Variants in PTPRN2 observed in about 807,000 individuals in gnomAD.
PTPRN2 encodes receptor-type tyrosine-protein phosphatase N2.
PTPRN2 carries 74 observed loss-of-function variants against 118.8 expected under a neutral mutation model. That is an observed-to-expected ratio of 0.62 (90% CI 0.52 to 0.76). The LOEUF is 0.76. PTPRN2 is among the 30% of genes least tolerant of loss of function. The probability of loss-of-function intolerance (pLI) is 0.00; values close to 1 mark genes in which losing one functional copy is unlikely to be tolerated. For missense variants in PTPRN2, 1,481 were observed against 1,394.4 expected (o/e 1.06, Z -0.99); for synonymous variants, 641 against 608.0 (o/e 1.05, Z -0.80).
intron 12 of PTPRN2, among the ~76,000 whole-genome samples, chr7:157,725,879 A>G (rs10274060): frequency 0.11 from 1,913 of 16,640 alleles, 5 homozygotes; most frequent in South Asian, 0.17. Context: ...AGAGGAGTGA[A>G]CCAGACCCTC....
intron 16 of PTPRN2, among the ~76,000 whole-genome samples, chr7:157,597,072 AAAG>A (rs1563247133): frequency 6.6e-6 from 1 of 152,186 alleles, no homozygotes; most frequent in African/African-American, 2.4e-5. Context: ...TGTCAGCACA[AAAG>A]AAGGCACCAA....
rs548851484 is a variant in PTPRN2 at position 158,211,994 on chromosome 7, A to T, written c.278-6721T>A. On this transcript the variant is annotated intron_variant, in intron 3 of 22. Coordinates refer to ENST00000389418, the MANE Select transcript of PTPRN2 (RefSeq NM_002847.5). ...TCCATCAACAGATGAATGGATTTTT[A>T]AAAATGTGGTACCTCTACACAGTGG... Among the ~76,000 whole-genome samples the T allele has an allele frequency of 2.9e-3, 446 of 152,350 alleles. 5 individuals are homozygous for T. The highest frequency in any genetic ancestry group is 9.9e-3 in the African/African-American group (412 of 41,584).
chr7:158,020,014 A>G (rs1010355730), intron 11 of PTPRN2, among the ~76,000 whole-genome samples: 6 of 152,198 alleles, frequency 3.9e-5, no homozygotes, highest in Non-Finnish European at 8.8e-5. Context: ...TCCAGGACCC[A>G]GATTCAATGC....
At position 157,611,342 on chromosome 7, in the gene PTPRN2, T is replaced by C. The variant is rs140506279; in HGVS notation, c.2345-7267A>G. 4.6e-5 allele frequency among the ~76,000 whole-genome samples: 7 copies of C among 152,294 alleles called. No homozygotes were observed. The highest frequency in any genetic ancestry group is 1.7e-4 in the African/African-American group (7 of 41,562). On this transcript the variant is annotated intron_variant, in intron 15 of 22. Transcript: ENST00000389418. The surrounding 1 kb of genome is among the most constrained non-coding windows in gnomAD (Gnocchi z 5.9). ...GGGATTCCCATACCTGAAGCGATTT[T>C]AACCCACACTAGTCTCATCTCAGGC...
intron 2 of PTPRN2, among the ~76,000 whole-genome samples, chr7:158,482,740 GT>G (rs1007911058): frequency 9.2e-5 from 14 of 151,972 alleles, no homozygotes; most frequent in African/African-American, 2.9e-4. Context: ...TAAATCAGTG[GT>G]TTTTTTTATA....
chr7:158,273,494 G>GCACAGGGGGAGCCGCAGA (rs1798669418), intron 3 of PTPRN2, among the ~76,000 whole-genome samples: 2 of 51,528 alleles, frequency 3.9e-5, no homozygotes, highest in African/African-American at 3.0e-4. Context: ...GGAGCCGCAG[G>GCACAGGGGGAGCCGCAGA]CACAGGGGGA....
In PTPRN2 at chr7:158,563,701, C is replaced by T. The variant is rs1183865839; in HGVS notation, c.112+23857G>A. Among the ~76,000 whole-genome samples, 1 of 152,242 alleles carries T rather than the reference C, an allele frequency of 6.6e-6. No homozygotes were observed. The highest frequency in any genetic ancestry group is 2.4e-5 in the African/African-American group (1 of 41,460). On this transcript the variant is annotated intron_variant, in intron 1 of 22. Coordinates refer to ENST00000389418, the MANE Select transcript of PTPRN2 (RefSeq NM_002847.5). This position sits in a 1 kb window ranked among gnomAD's most constrained non-coding sequence, Gnocchi z 5.1. ...CATGTGGCGTGGCAGTACATGAGCA[C>T]TGATGTGTGAGGGGAGAAGAGAGGG...
intron 14 of PTPRN2, among the ~76,000 whole-genome samples, chr7:157,651,576 C>A (rs943224920): frequency 6.6e-6 from 1 of 152,182 alleles, no homozygotes; most frequent in East Asian, 1.9e-4. Context: ...CACATCGGGA[C>A]GGTGACACTC....
chr7:158,353,746 G>A (rs1808181101), intron 2 of PTPRN2, among the ~76,000 whole-genome samples: 1 of 152,150 alleles, frequency 6.6e-6, no homozygotes, highest in East Asian at 1.9e-4. Flanking sequence ...TAACCTGCCT[G>A]GCATCCAGTA....
At chr7:158,364,961 T>C (rs932196982) in intron 2 of PTPRN2, among the ~76,000 whole-genome samples, 2 of 133,108 alleles carry the variant, frequency 1.5e-5, no homozygotes, top group Non-Finnish European at 3.1e-5. Flanking sequence ...CATATGCGTG[T>C]GCACCCACAA....
rs76780187 is a variant in PTPRN2 at position 157,622,773 on chromosome 7, T to C, written c.2197-1264A>G. On this transcript the variant is annotated intron_variant, in intron 14 of 22. Transcript: ENST00000389418. This position sits in a 1 kb window ranked among gnomAD's most constrained non-coding sequence, Gnocchi z 5.3. Reference sequence around the variant, plus strand: ...CACTCTAAGGCCGTCTGTTGGGAGGTCCCAGGTTGTCACTGTCACCCCCAC... The same window carrying C: ...CACTCTAAGGCCGTCTGTTGGGAGGCCCCAGGTTGTCACTGTCACCCCCAC... 0.052 allele frequency among the ~76,000 whole-genome samples: 7,927 copies of C among 151,966 alleles called. 453 individuals are homozygous for C. Among genetic ancestry groups the C allele is most frequent in the East Asian group, 0.31 (1,585 of 5,144 alleles).
intron 3 of PTPRN2, among the ~76,000 whole-genome samples, chr7:158,274,343 G>T: frequency 1.7e-4 from 1 of 5,774 alleles, no homozygotes; most frequent in Non-Finnish European, 7.8e-4. Context: ...GCAGACGCGG[G>T]AGAGCCACAG....
At chr7:158,345,117 C>T (rs183973366) in intron 2 of PTPRN2, among the ~76,000 whole-genome samples, 4 of 152,284 alleles carry the variant, frequency 2.6e-5, no homozygotes, top group Admixed American at 2.6e-4. Flanking sequence ...TGGGAGCAGT[C>T]CTGGCAGGAC....
intron 3 of PTPRN2, among the ~76,000 whole-genome samples, chr7:158,245,044 C>T (rs1429991876): frequency 6.6e-6 from 1 of 152,144 alleles, no homozygotes; most frequent in African/African-American, 2.4e-5. Context: ...CCTCGTGAGG[C>T]GGCGGTGGGC....
chr7:158,094,301 TTTCTG>T lies in PTPRN2; in HGVS notation c.1644-12929_1644-12925del, dbSNP rs370627545. On this transcript the variant is annotated intron_variant, in intron 10 of 22. Coordinates refer to ENST00000389418, the MANE Select transcript of PTPRN2 (RefSeq NM_002847.5). ...GACCAGGGCCACCCCATCTGTGTTT[TTTCTG>T]TTTTGTTTTTGTTTTTGTTTTCAGA... Among the ~76,000 whole-genome samples, 1,342 of 152,100 alleles carry T rather than the reference TTTCTG, an allele frequency of 8.8e-3. 12 individuals are homozygous for T. Among genetic ancestry groups the T allele is most frequent in the African/African-American group, 0.028 (1,181 of 41,472 alleles).
chr7:157,960,836 G>A (rs1274349681), intron 11 of PTPRN2, among the ~76,000 whole-genome samples: 5 of 151,118 alleles, frequency 3.3e-5, no homozygotes, highest in Admixed American at 6.6e-5. Flanking sequence ...GCAAAACCCC[G>A]TCTCTACTAA....
rs934615403 is a variant in PTPRN2 at position 157,615,546 on chromosome 7, A to G, written c.2344+5816T>C. 2 of 471,124 alleles carry G rather than the reference A, an allele frequency of 4.2e-6. No individual in the cohort carries two copies. Among genetic ancestry groups the G allele is most frequent in the African/African-American group, 4.0e-5 (2 of 50,102 alleles). 29.2% of individuals were successfully genotyped at this position (471,124 alleles called of 1,614,324 possible). A position where few individuals can be genotyped will look rare whatever the true frequency, so the allele number is the denominator to read the frequency against. On this transcript the variant is annotated intron_variant, in intron 15 of 22. Coordinates refer to ENST00000389418, the MANE Select transcript of PTPRN2 (RefSeq NM_002847.5). This position sits in a 1 kb window ranked among gnomAD's most constrained non-coding sequence, Gnocchi z 4.3. ...ACCCCATCGCAAGGCCGGGCCGTGG[A>G]AACAATCTCAGCCCTGGAACCAGCG...
intron 12 of PTPRN2, among the ~76,000 whole-genome samples, chr7:157,789,925 TGTGTGTGTATGGTATGTG>T (rs1279690055): frequency 5.4e-5 from 8 of 149,098 alleles, no homozygotes; most frequent in Non-Finnish European, 8.9e-5. Flanking sequence ...TGTGGTATGT[TGTGTGTGTATGGTATGTG>T]GTGTGTGTGT....
chr7:158,532,397 G>A (rs1825314396), intron 1 of PTPRN2, among the ~76,000 whole-genome samples: 1 of 152,168 alleles, frequency 6.6e-6, no homozygotes, highest in Non-Finnish European at 1.5e-5. Flanking sequence ...AGCCCCAGAT[G>A]TCAAACAGGC....
Sources: gnomAD v4.1 joint callset for allele counts (sites outside exome capture counted in the v4.1 genomes callset) on GRCh38, gnomAD v4.1.1 for gene constraint, Gnocchi (gnomAD v3.1) non-coding constraint, MANE v1.5 for transcripts, NCBI Gene and HGNC (gene_info 2026-07-23, HGNC 2026-07-21) for gene names.